SFMBT2: variants seen among roughly 807,000 people sequenced by gnomAD.
The protein encoded by SFMBT2 is scm-like with four MBT domains protein 2.
In SFMBT2, 38 loss-of-function variants were observed where a neutral mutation model predicts 110.1. The observed-to-expected ratio is 0.35, with a 90% CI of 0.27 to 0.45. The LOEUF (loss-of-function observed/expected upper bound fraction) is 0.45, where lower values mean the gene tolerates loss of function less well. Ranked by LOEUF, SFMBT2 falls within the 20% of genes least tolerant of loss-of-function variation. The probability of loss-of-function intolerance (pLI) is 1.00; values close to 1 mark genes in which losing one functional copy is unlikely to be tolerated. For synonymous variants in SFMBT2, 425 were observed against 425.4 expected, an observed-to-expected ratio of 1.00 and a Z score of 0.01; for missense variants, 1,011 against 1,094.9, an observed-to-expected ratio of 0.92 and a Z score of 1.08.
chr10:7,210,110 GC>G (rs143692077), intron 11 of SFMBT2, among the ~76,000 whole-genome samples: 6,071 of 152,224 alleles, frequency 0.04, 359 homozygotes, highest in African/African-American at 0.13. Flanking sequence ...TCTGCAGCTT[GC>G]TACCCCCTTG....
chr10:7,372,068 A>G (rs1164472100), intron 2 of SFMBT2, among the ~76,000 whole-genome samples: 1 of 151,734 alleles, frequency 6.6e-6, no homozygotes, highest in East Asian at 1.9e-4. Flanking sequence ...CTGGGATTAC[A>G]GGCTTGCACC....
At chr10:7,303,954 T>C (rs536500779) in intron 4 of SFMBT2, among the ~76,000 whole-genome samples, 73 of 152,316 alleles carry the variant, frequency 4.8e-4, no homozygotes, top group African/African-American at 1.6e-3. Flanking sequence ...TGCATGTTAC[T>C]AAGGATCCTG....
intron 6 of SFMBT2, among the ~76,000 whole-genome samples, chr10:7,278,453 A>G (rs1287774377): frequency 6.6e-6 from 1 of 152,178 alleles, no homozygotes; most frequent in African/African-American, 2.4e-5. Flanking sequence ...AAGGCCACTC[A>G]GGGGACCCCG....
chr10:7,320,173 C>T (rs1843143092), intron 4 of SFMBT2, among the ~76,000 whole-genome samples: 1 of 152,256 alleles, frequency 6.6e-6, no homozygotes, highest in African/African-American at 2.4e-5. Flanking sequence ...TACTTTAATA[C>T]ACTGTCATAC....
At chr10:7,409,045 C>T (rs1846298783) in intron 1 of SFMBT2, among the ~76,000 whole-genome samples, 3 of 152,106 alleles carry the variant, frequency 2.0e-5, no homozygotes, top group Non-Finnish European at 4.4e-5. Flanking sequence ...CTCGACCCTA[C>T]GTGCTTGTCT....
chr10:7,308,463 T>C (rs1415545541), intron 4 of SFMBT2, among the ~76,000 whole-genome samples: 2 of 151,862 alleles, frequency 1.3e-5, no homozygotes, highest in Non-Finnish European at 2.9e-5. Context: ...AAAAAAAAAA[T>C]TGAAAGGTGG....
intron 7 of SFMBT2, among the ~76,000 whole-genome samples, chr10:7,267,988 T>C (rs997079551): frequency 7.9e-5 from 12 of 152,242 alleles, no homozygotes; most frequent in African/African-American, 2.9e-4. Flanking sequence ...TGTTTCTTAT[T>C]TATAGATCTT....
At chr10:7,384,610 G>A (rs749516031) in intron 1 of SFMBT2, among the ~76,000 whole-genome samples, 5 of 152,090 alleles carry the variant, frequency 3.3e-5, no homozygotes, top group Non-Finnish European at 5.9e-5. Flanking sequence ...AGCTGGAATC[G>A]ACACTAAATG....
chr10:7,212,889 A>G (rs1839397318), intron 11 of SFMBT2, among the ~76,000 whole-genome samples: 1 of 152,236 alleles, frequency 6.6e-6, no homozygotes, highest in Non-Finnish European at 1.5e-5. Flanking sequence ...ACCATGGAAT[A>G]CTATGCAGCC....
chr10:7,265,094 GATTTTA>G lies in SFMBT2; in HGVS notation c.870+11792_870+11797del, dbSNP rs527685031. Among the ~76,000 whole-genome samples the G allele has an allele frequency of 1.6e-3, 236 of 151,996 alleles. 1 individual carries two copies. The highest frequency in any genetic ancestry group is 4.8e-3 in the African/African-American group (199 of 41,448). On this transcript the variant is annotated intron_variant, in intron 7 of 20. Coordinates refer to ENST00000397167, the MANE Select transcript of SFMBT2 (RefSeq NM_001387889.1). ...TTTTGTTTTGTTTTTTTAATGCTGA[GATTTTA>G]ATTTTATGTTTTGATTTCTTTTTTA... is the stretch of plus-strand genomic sequence containing the variant.
In SFMBT2 at chr10:7,180,144, A is replaced by G. The variant is rs115181088; in HGVS notation, c.1809-3979T>C. Among the ~76,000 whole-genome samples, 1,297 of 147,726 alleles carry G rather than the reference A, an allele frequency of 8.8e-3. 22 individuals carry two copies. Among genetic ancestry groups the G allele is most frequent in the African/African-American group, 0.032 (1,234 of 39,094 alleles). ...TTTGCTTTTTTTTGCTTTTTTTGAG[A>G]CAGGGTCTCACTTAGTCATCCAGGC... is the stretch of plus-strand genomic sequence containing the variant. On this transcript the variant is annotated intron_variant, in intron 16 of 20. Coordinates refer to ENST00000397167, the MANE Select transcript of SFMBT2 (RefSeq NM_001387889.1).
intron 11 of SFMBT2, chr10:7,215,478 AT>A (rs1330848969): frequency 3.6e-6 from 3 of 834,444 alleles, no homozygotes; most frequent in Admixed American, 1.2e-4. Context: ...ATCTCCATAG[AT>A]TAATTAATGT....
At chr10:7,305,259 T>C (rs749310779) in intron 4 of SFMBT2, among the ~76,000 whole-genome samples, 75 of 152,238 alleles carry the variant, frequency 4.9e-4, no homozygotes, top group Non-Finnish European at 1.1e-3. Flanking sequence ...GGCATGATGA[T>C]TAAATGACAG....
At chr10:7,247,995 T>C (rs1588381670) in intron 8 of SFMBT2, among the ~76,000 whole-genome samples, 2 of 152,312 alleles carry the variant, frequency 1.3e-5, no homozygotes, top group East Asian at 3.9e-4. Context: ...ATTATAGATA[T>C]GAGCCACCAT....
At chr10:7,295,423 A>T (rs1401224322) in intron 4 of SFMBT2, 1 of 152,234 alleles carries the variant, frequency 6.6e-6, no homozygotes, top group Non-Finnish European at 1.5e-5. Context: ...TAGGCCACAG[A>T]CGAACTTGTG....
At chr10:7,326,835 C>T (rs903701563) in intron 4 of SFMBT2, among the ~76,000 whole-genome samples, 1 of 152,180 alleles carries the variant, frequency 6.6e-6, no homozygotes, top group Non-Finnish European at 1.5e-5. Context: ...GGTCCCAAAG[C>T]AACCGCTCTT....
intron 9 of SFMBT2, among the ~76,000 whole-genome samples, chr10:7,235,575 T>C (rs1840228051): frequency 6.6e-6 from 1 of 150,462 alleles, no homozygotes; most frequent in Admixed American, 6.6e-5. Context: ...TACAGACACA[T>C]ACCACACAGA....
At chr10:7,214,332 C>T (rs972205450) in intron 11 of SFMBT2, among the ~76,000 whole-genome samples, 5 of 152,262 alleles carry the variant, frequency 3.3e-5, no homozygotes, top group South Asian at 2.1e-4. Flanking sequence ...TGCTGTGTTG[C>T]GTTCCTGTCT....
intron 11 of SFMBT2, among the ~76,000 whole-genome samples, chr10:7,209,079 G>A (rs1433215829): frequency 1.3e-5 from 2 of 152,080 alleles, no homozygotes; most frequent in African/African-American, 4.8e-5. Context: ...CTAAATAATG[G>A]GTACCAAGTT....
Sources: allele counts gnomAD v4.1 joint callset (sites outside exome capture counted in the v4.1 genomes callset), GRCh38; gene constraint gnomAD v4.1.1; transcripts MANE v1.5; gene names NCBI Gene and HGNC (gene_info 2026-07-23, HGNC 2026-07-21).